The following HTR4 variants were observed in gnomAD, a reference collection of about 807,000 sequenced individuals.
The protein encoded by HTR4 is 5-hydroxytryptamine receptor 4, also known as 5-hydroxytryptamine (serotonin) receptor 4, G protein-coupled.
A neutral mutation model predicts 36.8 loss-of-function variants in HTR4; 16 were observed. The observed-to-expected ratio is 0.43, with a 90% CI of 0.29 to 0.66. HTR4 has a LOEUF of 0.66. HTR4 is among the 30% of genes least tolerant of loss of function. The probability of loss-of-function intolerance (pLI) is 0.13; values close to 1 mark genes in which losing one functional copy is unlikely to be tolerated. For synonymous variants in HTR4, 189 were observed against 185.1 expected, an observed-to-expected ratio of 1.02 and a Z score of -0.17; for missense variants, 438 against 490.9, an observed-to-expected ratio of 0.89 and a Z score of 1.02.
rs773205343 is a variant in HTR4, at chr5:148,550,243, A to T, written c.46T>A (p.Ser16Thr). Residue 16 changes from serine to threonine, a missense_variant, in exon 3 of 7, where the codon TCA becomes ACA. Transcript: ENST00000377888. ...ANVSSEEGFG[S>T]VEKVVLLTFL... ...GTGAGCAGCACCACCTTCTCCACTG[A>T]CCCGAAACCCTCCTCAGAACTGAAA... is the stretch of plus-strand genomic sequence containing the variant. 1.1e-5 allele frequency: 17 copies of T among 1,614,092 alleles called. 1 individual carries two copies. In the South Asian group the frequency reaches 1.8e-4, roughly 17 times the overall value.
chr5:148,563,656 A>C (rs1015627491), intron 2 of HTR4, among the ~76,000 whole-genome samples: 4 of 152,220 alleles, frequency 2.6e-5, no homozygotes, highest in Non-Finnish European at 4.4e-5. Flanking sequence ...TTCTTTAAAA[A>C]ATAGTGCCTG....
chr5:148,637,073 GA>G lies in HTR4; in HGVS notation c.-47-13del. The G allele has an allele frequency of 6.4e-7, 1 of 1,563,188 alleles. No individual in the cohort carries two copies. Among genetic ancestry groups the G allele is most frequent in the Non-Finnish European group, 8.8e-7 (1 of 1,137,962 alleles). On this transcript the variant is annotated splice_polypyrimidine_tract_variant and intron_variant, in intron 1 of 6. Transcript: ENST00000377888. ...ATGCCCACAGGGTCCTAAAATGGGGGAAGTAAAAAGATGTTATAAAAGAAAG... is the reference window on the plus strand; with the variant it reads ...ATGCCCACAGGGTCCTAAAATGGGGGAGTAAAAAGATGTTATAAAAGAAAG...
intron 2 of HTR4, among the ~76,000 whole-genome samples, chr5:148,607,100 G>A (rs1752201674): frequency 6.6e-6 from 1 of 152,164 alleles, no homozygotes; most frequent in Non-Finnish European, 1.5e-5. Context: ...CTTGATCTAG[G>A]TAAGAGTCTT....
rs137933957 is a variant in HTR4, at chr5:148,514,596, T to C, written c.508-4572A>G. ...TTAACCCAATGTCACTTACCCTTCT[T>C]GGGATCAATCTGCATCCAGTGTGAA... On this transcript the variant is annotated intron_variant, in intron 5 of 6. Transcript: ENST00000377888. 2.0e-4 allele frequency among the ~76,000 whole-genome samples: 30 copies of C among 152,288 alleles called. 1 individual carries two copies. The East Asian group carries it at 5.0e-3, about 25-fold the overall frequency.
chr5:148,651,880 C>T (rs75740125), intron 1 of HTR4, among the ~76,000 whole-genome samples: 2,728 of 152,012 alleles, frequency 0.018, 89 homozygotes, highest in African/African-American at 0.063. Flanking sequence ...CAACCAAGAA[C>T]ATCAGTGGCA....
chr5:148,633,715 T>C lies in HTR4; in HGVS notation c.26+3274A>G, dbSNP rs114845655. On this transcript the variant is annotated intron_variant, in intron 2 of 6. Coordinates refer to ENST00000377888, the MANE Select transcript of HTR4 (RefSeq NM_000870.7). ...CAGTGAGATCCTTAAGCCCAGGAAA[T>C]TGTCTCCCTCTTTCTGACACAAAGT... 2.4e-3 allele frequency among the ~76,000 whole-genome samples: 365 copies of C among 152,156 alleles called. 2 individuals carry two copies. Among genetic ancestry groups the C allele is most frequent in the African/African-American group, 8.2e-3 (342 of 41,538 alleles).
chr5:148,528,196 G>A (rs1449712115), intron 4 of HTR4, among the ~76,000 whole-genome samples: 4 of 152,162 alleles, frequency 2.6e-5, no homozygotes, highest in Non-Finnish European at 4.4e-5. Flanking sequence ...TGACAGGTAA[G>A]GATATGAATA....
At position 148,500,112 on chromosome 5, in the gene HTR4, G is replaced by A. The variant is rs541599837; in HGVS notation, c.1076+9344C>T. ...GGCCAATACAGGGGGTAAGTGTATA[G>A]AGCTAAGAATTCTGTTTTGGTTGCA... On this transcript the variant is annotated intron_variant, in intron 6 of 6. Coordinates refer to ENST00000377888, the MANE Select transcript of HTR4 (RefSeq NM_000870.7). Among the ~76,000 whole-genome samples the A allele has an allele frequency of 6.6e-5, 10 of 152,242 alleles. No homozygotes were observed. In the South Asian group the frequency reaches 2.1e-3, roughly 32 times the overall value.
At chr5:148,455,695 A>T (rs1561557424) in intron 5 of HTR4, among the ~76,000 whole-genome samples, 1 of 152,214 alleles carries the variant, frequency 6.6e-6, no homozygotes, top group African/African-American at 2.4e-5. Flanking sequence ...AAATCTGCAT[A>T]TAAGTTTTGA....
At chr5:148,593,591 C>G (rs1271759618) in intron 2 of HTR4, among the ~76,000 whole-genome samples, 1 of 152,080 alleles carries the variant, frequency 6.6e-6, no homozygotes, top group Non-Finnish European at 1.5e-5. Flanking sequence ...GATCTCATAC[C>G]TGAAATAAAC....
chr5:148,471,059 C>T (rs10077951), intron 5 of HTR4, among the ~76,000 whole-genome samples: 6,214 of 152,198 alleles, frequency 0.041, 429 homozygotes, highest in African/African-American at 0.14. Flanking sequence ...TTAACTAAGG[C>T]CATTCAATAA....
chr5:148,508,533 A>G lies in HTR4; in HGVS notation c.1076+923T>C, dbSNP rs139384695. 3.3e-5 allele frequency among the ~76,000 whole-genome samples: 5 copies of G among 152,112 alleles called. No individual in the cohort carries two copies. The East Asian group carries it at 9.7e-4, about 29-fold the overall frequency. On this transcript the variant is annotated intron_variant, in intron 6 of 6. Transcript: ENST00000377888. Reference sequence around the variant, plus strand: ...TCTTATATTTCATTTCCTTCCTTGTACTGTTCTATCTGCCTGAAATGGCTT... The same window carrying G: ...TCTTATATTTCATTTCCTTCCTTGTGCTGTTCTATCTGCCTGAAATGGCTT...
chr5:148,539,389 A>G (rs1430944548), intron 4 of HTR4, among the ~76,000 whole-genome samples: 1 of 152,122 alleles, frequency 6.6e-6, no homozygotes, highest in Non-Finnish European at 1.5e-5. Context: ...TCTAAACTTA[A>G]GAACCTCTAC....
intron 6 of HTR4, among the ~76,000 whole-genome samples, chr5:148,502,814 G>C (rs992436842): frequency 3.3e-5 from 5 of 152,196 alleles, no homozygotes; most frequent in Non-Finnish European, 4.4e-5. Context: ...TAATGGAGCT[G>C]AAAACCAAGG....
chr5:148,586,786 C>G (rs1761364971), intron 2 of HTR4, among the ~76,000 whole-genome samples: 1 of 152,096 alleles, frequency 6.6e-6, no homozygotes, highest in Non-Finnish European at 1.5e-5. Context: ...CCATGGCTAC[C>G]TCTCTAAAAA....
At chr5:148,547,724 C>A (rs1759462177) in intron 4 of HTR4, among the ~76,000 whole-genome samples, 1 of 151,446 alleles carries the variant, frequency 6.6e-6, no homozygotes, top group African/African-American at 2.4e-5. Context: ...GAGACTTGTC[C>A]CTATAAAAAA....
At chr5:148,508,529 T>C (rs1260319209) in intron 6 of HTR4, among the ~76,000 whole-genome samples, 2 of 152,166 alleles carry the variant, frequency 1.3e-5, no homozygotes, top group Non-Finnish European at 2.9e-5. Context: ...ATTTCCTTCC[T>C]TGTACTGTTC....
intron 6 of HTR4, among the ~76,000 whole-genome samples, chr5:148,495,754 G>A (rs938559990): frequency 1.3e-5 from 2 of 152,084 alleles, no homozygotes; most frequent in Non-Finnish European, 2.9e-5. Flanking sequence ...GCTTCCAAAA[G>A]GAATTTTCTG....
chr5:148,511,089 A>G (rs1757477030), intron 5 of HTR4, among the ~76,000 whole-genome samples: 1 of 152,188 alleles, frequency 6.6e-6, no homozygotes, highest in Non-Finnish European at 1.5e-5. Flanking sequence ...AAGGCTATCA[A>G]TGACCTCTGT....
Sources: allele counts gnomAD v4.1 joint callset (sites outside exome capture counted in the v4.1 genomes callset), GRCh38; gene constraint gnomAD v4.1.1; transcripts MANE v1.5; gene names NCBI Gene and HGNC (gene_info 2026-07-23, HGNC 2026-07-21).